The following CHD2 variants were observed in gnomAD, a reference collection of about 807,000 sequenced individuals.
CHD2 encodes the protein chromodomain helicase DNA binding protein 2.
In CHD2, 28 loss-of-function variants were observed where a neutral mutation model predicts 243.9. The ratio of observed to expected loss-of-function variants is 0.11; its 90% CI spans 0.09 to 0.16. The LOEUF is 0.16. CHD2 is among the 10% of genes least tolerant of loss of function. The pLI is 1.00. For synonymous variants in CHD2, 775 were observed against 779.0 expected (o/e 0.99, Z 0.09); for missense variants, 1,386 against 2,209.8 (o/e 0.63, Z 7.47).
At chr15:92,968,620 A>G (rs2053799029) in intron 17 of CHD2, among the ~76,000 whole-genome samples, 1 of 152,238 alleles carries the variant, frequency 6.6e-6, no homozygotes, top group Non-Finnish European at 1.5e-5. Flanking sequence ...GAATACTTTT[A>G]TAAAAAGAAA....
intron 37 of CHD2, 65 bp from the exon 38 acceptor site, chr15:93,019,947 A>AATT: frequency 1.9e-6 from 3 of 1,547,462 alleles, no homozygotes; most frequent in African/African-American, 1.4e-5. Context: ...AAAAAAAAAA[A>AATT]TTGTAGTGAA....
intron 20 of CHD2, among the ~76,000 whole-genome samples, chr15:92,976,644 T>C (rs1388010927): frequency 8.2e-6 from 1 of 121,258 alleles, no homozygotes; most frequent in Non-Finnish European, 1.8e-5. Flanking sequence ...TAGTGAGACC[T>C]GTCTCTACCA....
intron 34 of CHD2, among the ~76,000 whole-genome samples, chr15:93,007,704 C>G (rs1021708119): frequency 7.2e-6 from 1 of 138,210 alleles, no homozygotes; most frequent in African/African-American, 2.6e-5. Flanking sequence ...TGGTAATTTT[C>G]TCTAAGTTCC....
intron 28 of CHD2, among the ~76,000 whole-genome samples, chr15:92,996,748 G>C (rs891236404): frequency 6.6e-6 from 1 of 152,004 alleles, no homozygotes; most frequent in African/African-American, 2.4e-5. Context: ...AATTAAAAAA[G>C]AATTCCAAAT....
chr15:92,900,872 G>A, intron 1 of CHD2, 48 bp downstream of exon 1: 1 of 405,956 alleles, frequency 2.5e-6, no homozygotes, highest in East Asian at 3.7e-5. Flanking sequence ...ATTTGTTTAA[G>A]TTTGCCTTGT....
At chr15:93,013,120 T>A (rs897844259) in intron 36 of CHD2, among the ~76,000 whole-genome samples, 1 of 152,242 alleles carries the variant, frequency 6.6e-6, no homozygotes, top group African/African-American at 2.4e-5. Context: ...TGGAATAGAA[T>A]GGTGCTGGGG....
Position 92,900,775 on chromosome 15 carries a change from T to C in CHD2, c.-121T>C, listed in dbSNP as rs1301738379. On this transcript the variant is annotated 5_prime_UTR_variant, in exon 1 of 39. Transcript: ENST00000394196. ...TTTTTAATTATTTGGGATCTGATAT[T>C]TTTCTACTAGTAGATAGGACTCTTG... 1 of 395,826 alleles carries C rather than the reference T, an allele frequency of 2.5e-6. No individual in the cohort carries two copies. The highest frequency in any genetic ancestry group is 4.4e-5 in the Admixed American group (1 of 22,608). The allele number at this position is 395,826 out of a possible 1,614,324, so 24.5% of individuals were successfully genotyped here. A position where few individuals can be genotyped will look rare whatever the true frequency, so the allele number is the denominator to read the frequency against.
chr15:92,980,993 A>G (rs2053972576), intron 23 of CHD2, 82 bp downstream of exon 23: 1 of 947,538 alleles, frequency 1.1e-6, no homozygotes, highest in South Asian at 1.4e-5. Flanking sequence ...AGATTCTGTT[A>G]GAGGCTTTTG....
intron 17 of CHD2, among the ~76,000 whole-genome samples, chr15:92,971,143 T>C (rs182501323): frequency 6.0e-4 from 91 of 152,348 alleles, no homozygotes; most frequent in African/African-American, 2.1e-3. Context: ...GTGACAGTCA[T>C]TTTCCATTCA....
intron 20 of CHD2, 137 bp downstream of exon 20, chr15:92,975,087 C>G (rs1201505839): frequency 1.5e-6 from 1 of 655,402 alleles, no homozygotes; most frequent in Non-Finnish European, 2.6e-6. Flanking sequence ...TGAGAAATCT[C>G]TCATATAAAA....
chr15:92,979,128 C>A lies in CHD2; in HGVS notation c.2728-7C>A. The A allele has an allele frequency of 6.2e-7, 1 of 1,613,470 alleles. No individual in the cohort carries two copies. ...AGGCATAAGCATAACAGTTCCTTTTCCTACAGGTAAATATTTACCGCTTAG... is the reference window on the plus strand; with the variant it reads ...AGGCATAAGCATAACAGTTCCTTTTACTACAGGTAAATATTTACCGCTTAG... On this transcript the variant is annotated splice_polypyrimidine_tract_variant and splice_region_variant and intron_variant, in intron 21 of 38. Transcript: ENST00000394196.
At chr15:93,013,231 G>A (rs1355061074) in intron 36 of CHD2, among the ~76,000 whole-genome samples, 1 of 152,178 alleles carries the variant, frequency 6.6e-6, no homozygotes, top group African/African-American at 2.4e-5. Flanking sequence ...TTACATGGAA[G>A]AATATGTTAT....
At chr15:92,907,632 G>C (rs532227695) in intron 2 of CHD2, among the ~76,000 whole-genome samples, 2 of 152,098 alleles carry the variant, frequency 1.3e-5, no homozygotes, top group East Asian at 3.9e-4. Context: ...ACTTATGATT[G>C]GACTTGTAAT....
At chr15:92,966,799 A>G (rs2053769841) in intron 16 of CHD2, among the ~76,000 whole-genome samples, 1 of 151,966 alleles carries the variant, frequency 6.6e-6, no homozygotes, top group Non-Finnish European at 1.5e-5. Context: ...AATCCCAGCT[A>G]CTTGGGAGGC....
At chr15:93,005,939 C>T (rs2054314677) in intron 34 of CHD2, among the ~76,000 whole-genome samples, 1 of 152,080 alleles carries the variant, frequency 6.6e-6, no homozygotes, top group South Asian at 2.1e-4. Context: ...ACAAATGACT[C>T]ATTTAATCTT....
At chr15:92,917,288 G>C (rs985082306) in intron 2 of CHD2, among the ~76,000 whole-genome samples, 2 of 152,336 alleles carry the variant, frequency 1.3e-5, no homozygotes, top group African/African-American at 4.8e-5. Context: ...GCCAGGCGCA[G>C]TGGCTCATGC....
intron 16 of CHD2, among the ~76,000 whole-genome samples, chr15:92,958,229 T>G (rs2053641684): frequency 6.6e-6 from 1 of 152,224 alleles, no homozygotes; most frequent in Admixed American, 6.5e-5. Flanking sequence ...CAAAAATGTT[T>G]GAAGGTTCTA....
chr15:93,000,703 T>A, intron 32 of CHD2, 63 bp downstream of exon 32: 1 of 1,502,956 alleles, frequency 6.7e-7, no homozygotes, highest in Non-Finnish European at 9.0e-7. Context: ...TCATGCCAGC[T>A]GGAATAAAAT....
intron 32 of CHD2, among the ~76,000 whole-genome samples, chr15:93,001,039 T>C (rs1280050271): frequency 6.6e-6 from 1 of 152,198 alleles, no homozygotes; most frequent in African/African-American, 2.4e-5. Context: ...AGGCTCATTT[T>C]TGTATTGTAA....
Sources: gnomAD v4.1 joint callset for allele counts (sites outside exome capture counted in the v4.1 genomes callset) on GRCh38, gnomAD v4.1.1 for gene constraint, MANE v1.5 for transcripts, NCBI Gene and HGNC (gene_info 2026-07-23, HGNC 2026-07-21) for gene names.